The following POC1B variants were observed in gnomAD, a reference collection of about 807,000 sequenced individuals.
POC1B encodes the protein POC1 centriolar protein B.
In POC1B, 44 loss-of-function variants were observed where a neutral mutation model predicts 60.6. The ratio of observed to expected loss-of-function variants is 0.73; its 90% CI spans 0.57 to 0.93. The LOEUF (loss-of-function observed/expected upper bound fraction) is 0.93, where lower values mean the gene tolerates loss of function less well. POC1B is among the 40% of genes least tolerant of loss of function. The pLI is 0.00. For synonymous variants in POC1B, 180 were observed against 198.9 expected, an observed-to-expected ratio of 0.90 and a Z score of 0.80; for missense variants, 555 against 572.3, an observed-to-expected ratio of 0.97 and a Z score of 0.31.
intron 10 of POC1B, among the ~76,000 whole-genome samples, chr12:89,430,163 T>C (rs570692107): frequency 6.6e-6 from 1 of 152,304 alleles, no homozygotes; most frequent in African/African-American, 2.4e-5. Flanking sequence ...CTTATCTATA[T>C]AGGTCAAAAG....
intron 2 of POC1B, among the ~76,000 whole-genome samples, chr12:89,517,971 G>C (rs1451431994): frequency 6.6e-6 from 1 of 152,176 alleles, no homozygotes; most frequent in Non-Finnish European, 1.5e-5. Context: ...CGAAGACACT[G>C]CTGGCCTGCA....
At position 89,497,362 on chromosome 12, in the gene POC1B, C is replaced by T. The variant is rs1441127579; in HGVS notation, c.101-20G>A. ...CAGTAGCTATCAAGAAATAGAAGAA[C>T]AAAACCACTGTTTGTTAAAATGCAA... is the stretch of plus-strand genomic sequence containing the variant. On this transcript the variant is annotated intron_variant, in intron 2 of 11. Transcript: ENST00000313546. The T allele has an allele frequency of 6.2e-7, 1 of 1,601,882 alleles. No individual in the cohort carries two copies. Among genetic ancestry groups the T allele is most frequent in the South Asian group, 1.1e-5 (1 of 90,608 alleles).
At chr12:89,459,755 A>G (rs767814663) in intron 9 of POC1B, 37 bp from the exon 10 acceptor site, 4 of 1,219,176 alleles carry the variant, frequency 3.3e-6, no homozygotes, top group Admixed American at 2.6e-5. Context: ...TGAGATTTTC[A>G]TACCATAAGA....
intron 4 of POC1B, among the ~76,000 whole-genome samples, chr12:89,489,543 T>G (rs1323174195): frequency 6.6e-6 from 1 of 152,212 alleles, no homozygotes; most frequent in Non-Finnish European, 1.5e-5. Flanking sequence ...CTTAGGCTCA[T>G]GGCCATAGGT....
chr12:89,429,618 A>G (rs910401258), intron 10 of POC1B, among the ~76,000 whole-genome samples: 7 of 152,184 alleles, frequency 4.6e-5, no homozygotes, highest in African/African-American at 1.7e-4. Context: ...ATACAATGAT[A>G]AATGTACGTA....
chr12:89,435,974 C>T (rs1157857396), intron 10 of POC1B, among the ~76,000 whole-genome samples: 13 of 148,660 alleles, frequency 8.7e-5, no homozygotes, highest in African/African-American at 3.0e-4. Flanking sequence ...GAGACAGAAT[C>T]TCACTATGTC....
At position 89,499,630 on chromosome 12, in the gene POC1B, ATTGTG is replaced by A. The variant is rs1869445649; in HGVS notation, c.101-2293_101-2289del. Among the ~76,000 whole-genome samples, 31 of 152,040 alleles carry A rather than the reference ATTGTG, an allele frequency of 2.0e-4. No homozygotes were observed. In the South Asian group the frequency reaches 4.9e-3, roughly 24 times the overall value. ...ACAATAAGGAAAGGATTTTTTTTTAATTGTGTTCTCAAAGGAGGGTACTAAATTAT... is the reference window on the plus strand; with the variant it reads ...ACAATAAGGAAAGGATTTTTTTTTAATTCTCAAAGGAGGGTACTAAATTAT... On this transcript the variant is annotated intron_variant, in intron 2 of 11. Coordinates refer to ENST00000313546, the MANE Select transcript of POC1B (RefSeq NM_172240.3).
downstream of POC1B, among the ~76,000 whole-genome samples, chr12:89,416,204 T>C (rs1451179414): frequency 6.6e-6 from 1 of 152,182 alleles, no homozygotes; most frequent in Non-Finnish European, 1.5e-5. Flanking sequence ...TGCAACTGTA[T>C]TGCAATCTCT....
chr12:89,469,878 ATT>A (rs34404733), intron 7 of POC1B, among the ~76,000 whole-genome samples: 159 of 147,346 alleles, frequency 1.1e-3, no homozygotes, highest in African/African-American at 3.0e-3. Flanking sequence ...TTTTTCTTCC[ATT>A]TTTTTTTTTT....
At chr12:89,512,236 G>A (rs188340203) in intron 2 of POC1B, among the ~76,000 whole-genome samples, 402 of 152,266 alleles carry the variant, frequency 2.6e-3, no homozygotes, top group African/African-American at 9.1e-3. Flanking sequence ...CCTTGAATGA[G>A]GAAATAACTA....
chr12:89,492,542 T>C (rs937084978), intron 3 of POC1B, among the ~76,000 whole-genome samples: 1 of 152,192 alleles, frequency 6.6e-6, no homozygotes, highest in Non-Finnish European at 1.5e-5. Flanking sequence ...GAAAATCATA[T>C]TGATACTCAA....
chr12:89,517,835 T>C (rs1329403653), intron 2 of POC1B, among the ~76,000 whole-genome samples: 5 of 152,152 alleles, frequency 3.3e-5, no homozygotes, highest in African/African-American at 1.2e-4. Flanking sequence ...GAGCATAAAA[T>C]GGCATCTGGC....
In POC1B at chr12:89,459,627, A is replaced by C. The variant is rs766796808; in HGVS notation, c.1113+11T>G. 4.1e-5 allele frequency: 57 copies of C among 1,384,824 alleles called. No individual in the cohort carries two copies. Among genetic ancestry groups the C allele is most frequent in the East Asian group, 4.9e-5 (2 of 40,980 alleles). 85.8% of individuals were successfully genotyped at this position (1,384,824 alleles called of 1,614,324 possible). On this transcript the variant is annotated intron_variant, in intron 10 of 11. Transcript: ENST00000313546. ...TTAAGTGTCAAAAAAAAAAAAAAAA[A>C]CCCGACTTACTGTGGTAGAATCAAA... is the stretch of plus-strand genomic sequence containing the variant.
intron 2 of POC1B, chr12:89,520,402 A>C (rs1039025210): frequency 3.3e-5 from 5 of 152,070 alleles, no homozygotes; most frequent in African/African-American, 1.2e-4. Flanking sequence ...AAAAAGAGAA[A>C]ATTTAAAAAT....
chr12:89,460,042 G>C (rs1882426089), intron 9 of POC1B: 1 of 393,866 alleles, frequency 2.5e-6, no homozygotes, highest in Non-Finnish European at 5.0e-6. Flanking sequence ...AAAAATCCTA[G>C]CCAGTTCAGT....
chr12:89,520,144 T>C (rs1870726998), intron 2 of POC1B: 1 of 152,118 alleles, frequency 6.6e-6, no homozygotes, highest in African/African-American at 2.4e-5. Flanking sequence ...AGCCTAACTA[T>C]ACTGGATTAT....
intron 10 of POC1B, among the ~76,000 whole-genome samples, chr12:89,449,198 GC>G (rs1407439696): frequency 3.9e-5 from 6 of 152,156 alleles, no homozygotes; most frequent in African/African-American, 1.2e-4. Context: ...AGCCTTGCTT[GC>G]CCCCATCATT....
In POC1B at chr12:89,493,658, A is replaced by G. The variant is rs148720631; in HGVS notation, c.273-1543T>C. On this transcript the variant is annotated intron_variant, in intron 3 of 11. Coordinates refer to ENST00000313546, the MANE Select transcript of POC1B (RefSeq NM_172240.3). The stretch of plus-strand genomic sequence containing the variant: ...AGTACAATGCCTAGAGAAAACAAAG[A>G]AAAGAAAAGGCATCTGCAATGACCA... Among the ~76,000 whole-genome samples, 37 of 152,346 alleles carry G rather than the reference A, an allele frequency of 2.4e-4. 1 individual carries two copies. The highest frequency in any genetic ancestry group is 7.0e-4 in the African/African-American group (29 of 41,584).
At position 89,470,447 on chromosome 12, in the gene POC1B, A is replaced by G. The variant is rs1882845999; in HGVS notation, c.724T>C (p.Tyr242His). Residue 242 changes from tyrosine to histidine, a missense_variant, in exon 7 of 12, where the codon TAT (tyrosine) becomes CAT (histidine). Tyr to His is a moderately conservative substitution (Grantham distance 83). Coordinates refer to ENST00000313546, the MANE Select transcript of POC1B (RefSeq NM_172240.3). Reference protein sequence around the residue: ...NCISFHPSGNYLITASSDGTL... With the variant: ...NCISFHPSGNHLITASSDGTL... ...CCATCTGAAGAAGCTGTGATGAGAT[A>G]GTTACCCGAAGGATGGAATGATATG... The G allele has an allele frequency of 4.4e-6, 7 of 1,608,018 alleles. No individual in the cohort carries two copies. The highest frequency in any genetic ancestry group is 1.7e-4 in the Middle Eastern group (1 of 6,034).
Sources: allele counts gnomAD v4.1 joint callset (sites outside exome capture counted in the v4.1 genomes callset), GRCh38; gene constraint gnomAD v4.1.1; transcripts MANE v1.5; gene names NCBI Gene and HGNC (gene_info 2026-07-23, HGNC 2026-07-21).